Variants in DCAF7 observed in about 807,000 individuals in gnomAD.
DCAF7 encodes the protein DDB1- and CUL4-associated factor 7.
In DCAF7, 4 loss-of-function variants were observed where a neutral mutation model predicts 41.2. The ratio of observed to expected loss-of-function variants is 0.10; its 90% confidence interval spans 0.05 to 0.22. DCAF7 has a LOEUF of 0.22. Ranked by LOEUF, DCAF7 falls within the 10% of genes least tolerant of loss-of-function variation. DCAF7 has a pLI of 1.00. For missense variants in DCAF7, 131 were observed against 443.2 expected, an observed-to-expected ratio of 0.30 and a Z score of 6.32; for synonymous variants, 143 against 164.2, an observed-to-expected ratio of 0.87 and a Z score of 0.99.
intron 1 of DCAF7, among the ~76,000 whole-genome samples, chr17:63,553,566 T>C (rs1476978586): frequency 6.6e-6 from 1 of 152,186 alleles, no homozygotes; most frequent in African/African-American, 2.4e-5. Context: ...TTTAGAATTA[T>C]TGGTTGGAAT....
chr17:63,581,015 C>T (rs2033617218), intron 4 of DCAF7, among the ~76,000 whole-genome samples: 1 of 152,134 alleles, frequency 6.6e-6, no homozygotes. Flanking sequence ...GATCTTAGGT[C>T]AGAAACTTGA....
intron 1 of DCAF7, among the ~76,000 whole-genome samples, chr17:63,576,174 G>A (rs1363616877): frequency 6.6e-6 from 1 of 152,214 alleles, no homozygotes; most frequent in African/African-American, 2.4e-5. Flanking sequence ...GGGAGCTGTA[G>A]CTCACGCCTG....
Position 63,593,890 on chromosome 17 carries a change from A to C in DCAF7, c.*4718A>C, listed in dbSNP as rs973418826. Reference sequence around the variant, plus strand: ...GTGTCCTTTAGCCTAGTATGTCTGAACTTCCATTCTTGTTATATATTTAAA... The same window carrying C: ...GTGTCCTTTAGCCTAGTATGTCTGACCTTCCATTCTTGTTATATATTTAAA... On this transcript the variant is annotated 3_prime_UTR_variant, in exon 7 of 7. Coordinates refer to ENST00000614556, the MANE Select transcript of DCAF7 (RefSeq NM_005828.5). 1.3e-5 allele frequency: 2 copies of C among 152,568 alleles called. No homozygotes were observed. The highest frequency in any genetic ancestry group is 2.9e-5 in the Non-Finnish European group (2 of 68,038). 9.5% of individuals were successfully genotyped at this position (152,568 alleles called of 1,614,324 possible). A position where few individuals can be genotyped will look rare whatever the true frequency, so the allele number is the denominator to read the frequency against.
intron 1 of DCAF7, among the ~76,000 whole-genome samples, chr17:63,568,158 C>G (rs1338802144): frequency 2.0e-5 from 3 of 152,006 alleles, no homozygotes; most frequent in Non-Finnish European, 4.4e-5. Flanking sequence ...GTAGCTGGGA[C>G]TACAGGCATG....
intron 1 of DCAF7, among the ~76,000 whole-genome samples, chr17:63,577,419 C>A (rs1371648489): frequency 2.6e-5 from 4 of 152,188 alleles, no homozygotes; most frequent in African/African-American, 9.7e-5. Flanking sequence ...CCCCACTATT[C>A]CATCTTCCAG....
Position 63,591,725 on chromosome 17 carries a change from G to C in DCAF7, c.*2553G>C, listed in dbSNP as rs1174607315. 6.6e-6 allele frequency: 1 copy of C among 152,262 alleles called. No individual in the cohort carries two copies. The highest frequency in any genetic ancestry group is 1.5e-5 in the Non-Finnish European group (1 of 68,066). The allele number at this position is 152,262 out of a possible 1,614,324, so 9.4% of individuals were successfully genotyped here. A position where few individuals can be genotyped will look rare whatever the true frequency, so the allele number is the denominator to read the frequency against. On this transcript the variant is annotated 3_prime_UTR_variant, in exon 7 of 7. Coordinates refer to ENST00000614556, the MANE Select transcript of DCAF7 (RefSeq NM_005828.5). ...CTGTTGTAGTTGCAAAAACAACTCTGTAATTTGTTGAGGTTCTCAAACTGA... is the reference window on the plus strand; with the variant it reads ...CTGTTGTAGTTGCAAAAACAACTCTCTAATTTGTTGAGGTTCTCAAACTGA...
chr17:63,569,401 C>A (rs1466128172), intron 1 of DCAF7, among the ~76,000 whole-genome samples: 1 of 149,878 alleles, frequency 6.7e-6, no homozygotes, highest in South Asian at 2.1e-4. Context: ...AAAAAAAAAG[C>A]TCATGCCCAG....
intron 1 of DCAF7, among the ~76,000 whole-genome samples, chr17:63,564,974 C>T (rs577846831): frequency 2.0e-5 from 3 of 152,262 alleles, no homozygotes; most frequent in Admixed American, 6.5e-5. Context: ...AGTACAGTCA[C>T]GAATCTAGAT....
chr17:63,559,319 ATG>A (rs2033344689), intron 1 of DCAF7, among the ~76,000 whole-genome samples: 2 of 91,080 alleles, frequency 2.2e-5, no homozygotes, highest in African/African-American at 1.2e-4. Context: ...ATATATATAT[ATG>A]TATATATATA....
In DCAF7 at chr17:63,579,876, A is replaced by G; in HGVS notation, c.461A>G (p.Gln154Arg). The change falls in exon 4 of 7, where the codon CAG becomes CGG. Residue 154 changes from glutamine to arginine, a missense_variant. Coordinates refer to ENST00000614556, the MANE Select transcript of DCAF7 (RefSeq NM_005828.5). ...ACCATCTGGGGGCTGGAGACAGGGC[A>G]GGTGTTAGGGCGAGTGAATCTCGTG... ...TCTIWGLETGQVLGRVNLVSG... is the reference protein window; with the variant it reads ...TCTIWGLETGRVLGRVNLVSG... The G allele has an allele frequency of 6.2e-7, 1 of 1,613,940 alleles. No homozygotes were observed. The highest frequency in any genetic ancestry group is 8.5e-7 in the Non-Finnish European group (1 of 1,179,834).
At chr17:63,559,378 T>TAG in intron 1 of DCAF7, among the ~76,000 whole-genome samples, 2 of 33,494 alleles carry the variant, frequency 6.0e-5, no homozygotes, top group Admixed American at 2.3e-4. Flanking sequence ...TATATATGTG[T>TAG]ATATATATGT....
intron 1 of DCAF7, among the ~76,000 whole-genome samples, chr17:63,568,212 G>T (rs1598030184): frequency 1.3e-5 from 2 of 152,068 alleles, no homozygotes; most frequent in South Asian, 4.2e-4. Context: ...GTAGAGCCAG[G>T]CTGGCCTCGA....
At position 63,593,328 on chromosome 17, in the gene DCAF7, T is replaced by G. The variant is rs2033753386; in HGVS notation, c.*4156T>G. On this transcript the variant is annotated 3_prime_UTR_variant, in exon 7 of 7. Coordinates refer to ENST00000614556, the MANE Select transcript of DCAF7 (RefSeq NM_005828.5). ...TTCACCCACCTGCACCTTCTCCCCC[T>G]CTCACAGTGTCACTGCTGCTAATGG... The G allele has an allele frequency of 6.6e-6, 1 of 152,650 alleles. No homozygotes were observed. The highest frequency in any genetic ancestry group is 6.5e-5 in the Admixed American group (1 of 15,274). 9.5% of individuals were successfully genotyped at this position (152,650 alleles called of 1,614,324 possible).
At chr17:63,562,164 A>G (rs1009036038) in intron 1 of DCAF7, among the ~76,000 whole-genome samples, 1 of 152,236 alleles carries the variant, frequency 6.6e-6, no homozygotes, top group African/African-American at 2.4e-5. Context: ...TTTAGTATAT[A>G]TAAATGTGAA....
intron 3 of DCAF7, 100 bp downstream of exon 3, chr17:63,579,548 G>A: frequency 2.3e-6 from 2 of 878,290 alleles, no homozygotes. Flanking sequence ...GGCTCAGTGG[G>A]AAGTAGGCTA....
At position 63,592,217 on chromosome 17, in the gene DCAF7, A is replaced by G. The variant is rs996414125; in HGVS notation, c.*3045A>G. ...GAAGATCGAGACCATCCTGGCTAACATGGTGAAACCCCATCTCTACTAAAA... is the reference window on the plus strand; with the variant it reads ...GAAGATCGAGACCATCCTGGCTAACGTGGTGAAACCCCATCTCTACTAAAA... On this transcript the variant is annotated 3_prime_UTR_variant, in exon 7 of 7. Transcript: ENST00000614556. 6.6e-6 allele frequency: 1 copy of G among 152,156 alleles called. No homozygotes were observed. Among genetic ancestry groups the G allele is most frequent in the Non-Finnish European group, 1.5e-5 (1 of 68,086 alleles). 9.4% of individuals were successfully genotyped at this position (152,156 alleles called of 1,614,324 possible). A position where few individuals can be genotyped will look rare whatever the true frequency, so the allele number is the denominator to read the frequency against.
At chr17:63,588,857 T>C in intron 6 of DCAF7, 143 bp from the exon 7 acceptor site, 1 of 910,976 alleles carries the variant, frequency 1.1e-6, no homozygotes, top group South Asian at 1.8e-5. Context: ...GAATCTCGAT[T>C]TCCTCATCGA....
chr17:63,566,698 ATTGT>A (rs1305228793), intron 1 of DCAF7, among the ~76,000 whole-genome samples: 2 of 152,072 alleles, frequency 1.3e-5, no homozygotes, highest in Non-Finnish European at 2.9e-5. Flanking sequence ...GGGCGGGAGG[ATTGT>A]TTGAGCCCAG....
Position 63,585,279 on chromosome 17 carries a change from C to T in DCAF7, c.807C>T (p.Val269=). The T allele has an allele frequency of 1.9e-6, 3 of 1,614,002 alleles. No homozygotes were observed. The highest frequency in any genetic ancestry group is 2.5e-6 in the Non-Finnish European group (3 of 1,179,900). The part of the protein sequence containing the change: ...VARLNNHRAC[V]NGIAWAPHSS... The stretch of plus-strand genomic sequence containing the variant: ...GGTTAAACAACCATCGAGCATGTGT[C>T]AATGGCATTGCTTGGGCCCCACATT... Residue 269 remains valine (V), a synonymous_variant, in exon 6 of 7, where the codon GTC becomes GTT. Coordinates refer to ENST00000614556, the MANE Select transcript of DCAF7 (RefSeq NM_005828.5).
Sources: gnomAD v4.1 joint callset for allele counts (sites outside exome capture counted in the v4.1 genomes callset) on GRCh38, gnomAD v4.1.1 for gene constraint, MANE v1.5 for transcripts, NCBI Gene and HGNC (gene_info 2026-07-23, HGNC 2026-07-21) for gene names.